Variants in AKAP8L observed in about 807,000 individuals in gnomAD.
The protein encoded by AKAP8L is A-kinase anchor protein 8-like.
In AKAP8L, 34 loss-of-function variants were observed where a neutral mutation model predicts 77.5. The observed-to-expected ratio is 0.44, with a 90% confidence interval of 0.33 to 0.58. The LOEUF (loss-of-function observed/expected upper bound fraction) is 0.58. AKAP8L is among the 20% of genes least tolerant of loss of function. The pLI is 0.02. For synonymous variants in AKAP8L, 342 were observed against 340.7 expected, an observed-to-expected ratio of 1.00 and a Z score of -0.04; for missense variants, 806 against 887.6, an observed-to-expected ratio of 0.91 and a Z score of 1.17.
intron 1 of AKAP8L, among the ~76,000 whole-genome samples, chr19:15,414,381 T>C (rs1968164306): frequency 6.6e-6 from 1 of 151,888 alleles, no homozygotes; most frequent in African/African-American, 2.4e-5. Flanking sequence ...GTTTGTAAAG[T>C]GTTCTCTTGG....
Position 15,406,362 on chromosome 19 carries a change from G to GGAGAGAGAGAGAGAGAGAGAGAGA in AKAP8L, c.89-2344_89-2321dup, listed in dbSNP as rs3040938. ...TCATGGTTGACAAAAGAAATTTTAA[G>GGAGAGAGAGAGAGAGAGAGAGAGA]GAGAGAGAGAGAGAGAGAGAGAGAG... On this transcript the variant is annotated intron_variant, in intron 2 of 13. Coordinates refer to ENST00000397410, the MANE Select transcript of AKAP8L (RefSeq NM_014371.4). 1.2e-3 allele frequency among the ~76,000 whole-genome samples: 103 copies of GGAGAGAGAGAGAGAGAGAGAGAGA among 89,332 alleles called. 3 individuals carry two copies. The highest frequency in any genetic ancestry group is 1.6e-3 in the Admixed American group (14 of 8,786). 58.6% of individuals were successfully genotyped at this position (89,332 alleles called of 152,430 possible). A position where few individuals can be genotyped will look rare whatever the true frequency, so the allele number is the denominator to read the frequency against.
At position 15,380,122 on chromosome 19, in the gene AKAP8L, T is replaced by G; in HGVS notation, c.1941A>C (p.Ter647CysextTer18). 6.7e-7 allele frequency: 1 copy of G among 1,491,232 alleles called. No homozygotes were observed. Among genetic ancestry groups the G allele is most frequent in the Non-Finnish European group, 8.8e-7 (1 of 1,129,958 alleles). The allele number at this position is 1,491,232 out of a possible 1,614,324, so 92.4% of individuals were successfully genotyped here. A position where few individuals can be genotyped will look rare whatever the true frequency, so the allele number is the denominator to read the frequency against. Reference protein sequence around the residue: ...DDEEGGGGAP* With the variant: ...DDEEGGGGAPC ...GGGCTCCGCCCGCCCCGAGCTCGGG[T>G]CACGGGGCGCCCCCGCCGCCCTCCT... Residue 647 changes from the stop codon to cysteine (C), a stop_lost, in exon 14 of 14, where the codon TGA becomes TGC. Transcript: ENST00000397410.
intron 12 of AKAP8L, among the ~76,000 whole-genome samples, chr19:15,393,721 G>A (rs1416758765): frequency 2.0e-5 from 3 of 151,948 alleles, no homozygotes; most frequent in East Asian, 3.9e-4. Context: ...GGGAGTTCGC[G>A]ATCAGACTGA....
rs147795764 is a variant in AKAP8L, at chr19:15,393,642, C to T, written c.1536+3508G>A. On this transcript the variant is annotated intron_variant, in intron 12 of 13. Transcript: ENST00000397410. ...ACTAGATCAAAAAGTCAGAAAATGC[C>T]GGGCGCGGTGGCTCATGCCTGTAAT... Among the ~76,000 whole-genome samples the T allele has an allele frequency of 2.8e-3, 424 of 152,102 alleles. 2 individuals carry two copies. The highest frequency in any genetic ancestry group is 9.6e-3 in the African/African-American group (400 of 41,486).
chr19:15,396,075 GA>G (rs1967769832), intron 12 of AKAP8L, among the ~76,000 whole-genome samples: 1 of 148,468 alleles, frequency 6.7e-6, no homozygotes, highest in Non-Finnish European at 1.5e-5. Context: ...TTTCTTCCCA[GA>G]ACTCTTGGTG....
Position 15,403,199 on chromosome 19 carries a change from T to G in AKAP8L, c.362+276A>C. On this transcript the variant is annotated intron_variant, in intron 4 of 13. Coordinates refer to ENST00000397410, the MANE Select transcript of AKAP8L (RefSeq NM_014371.4). This position sits in a 1 kb window ranked among gnomAD's most constrained non-coding sequence, Gnocchi z 4.3. Reference sequence around the variant, plus strand: ...GGGAGGGGTGGCTGAACACTCTGTTTTTGAGGGCACAGTGAAGTCTGCCCA... The same window carrying G: ...GGGAGGGGTGGCTGAACACTCTGTTGTTGAGGGCACAGTGAAGTCTGCCCA... 1 of 484,036 alleles carries G rather than the reference T, an allele frequency of 2.1e-6. No individual in the cohort carries two copies. The highest frequency in any genetic ancestry group is 3.8e-6 in the Non-Finnish European group (1 of 262,756). 30.0% of individuals were successfully genotyped at this position (484,036 alleles called of 1,614,324 possible). A position where few individuals can be genotyped will look rare whatever the true frequency, so the allele number is the denominator to read the frequency against.
chr19:15,408,897 A>G (rs1296743925), intron 2 of AKAP8L, among the ~76,000 whole-genome samples: 9 of 151,954 alleles, frequency 5.9e-5, no homozygotes, highest in African/African-American at 4.8e-5. Flanking sequence ...GAAAGAAAAA[A>G]TGGTTTTGTT....
chr19:15,385,930 T>C (rs1304875722), intron 12 of AKAP8L, among the ~76,000 whole-genome samples: 2 of 42,464 alleles, frequency 4.7e-5, no homozygotes, highest in Admixed American at 2.7e-4. Flanking sequence ...TTTTTTTTTT[T>C]TGAGGAGTCT....
chr19:15,400,183 G>A, intron 8 of AKAP8L, 112 bp downstream of exon 8: 1 of 1,105,926 alleles, frequency 9.0e-7, no homozygotes, highest in Non-Finnish European at 1.4e-6. Flanking sequence ...GGCCCACAAG[G>A]GAGGTCCCCA....
At chr19:15,412,756 A>T (rs1192375693) in intron 1 of AKAP8L, among the ~76,000 whole-genome samples, 1 of 152,132 alleles carries the variant, frequency 6.6e-6, no homozygotes, top group South Asian at 2.1e-4. Flanking sequence ...GTTAGCCAGG[A>T]TGGTCTCGAT....
intron 12 of AKAP8L, among the ~76,000 whole-genome samples, chr19:15,392,156 T>C (rs1967677014): frequency 6.6e-6 from 1 of 152,218 alleles, no homozygotes; most frequent in Admixed American, 6.5e-5. Context: ...TTATTAAAAT[T>C]ATGAAATATT....
At chr19:15,391,980 C>A (rs952634088) in intron 12 of AKAP8L, among the ~76,000 whole-genome samples, 2 of 152,050 alleles carry the variant, frequency 1.3e-5, no homozygotes, top group African/African-American at 2.4e-5. Flanking sequence ...GGACTACAGG[C>A]ACTTGCCGCC....
chr19:15,387,980 AG>A (rs914244568), intron 12 of AKAP8L, among the ~76,000 whole-genome samples: 1 of 143,946 alleles, frequency 6.9e-6, no homozygotes, highest in Admixed American at 6.9e-5. Context: ...CGGGGAGGGG[AG>A]GGGAAAAAAA....
At chr19:15,389,861 G>A (rs752211879) in intron 12 of AKAP8L, among the ~76,000 whole-genome samples, 1 of 151,204 alleles carries the variant, frequency 6.6e-6, no homozygotes, top group Non-Finnish European at 1.5e-5. Context: ...GTCAAAGACA[G>A]GGGAAAAATC....
rs1967842150 is a variant in AKAP8L at position 15,399,331 on chromosome 19, T to C, written c.1128A>G (p.Lys376=). The change falls in exon 9 of 14, where the codon AAA becomes AAG. Residue 376 remains lysine (K), a synonymous_variant. Coordinates refer to ENST00000397410, the MANE Select transcript of AKAP8L (RefSeq NM_014371.4). This position sits in a 1 kb window ranked among gnomAD's most constrained non-coding sequence, Gnocchi z 6.1. ...CCACCATGCGGTCTCGCTGCCGCTT[T>C]TTCTGCTTGTCCTGACTCTTCTTGC... The part of the protein sequence containing the change: ...QAGKKSQDKQ[K]KRQRDRMVER... 6.2e-7 allele frequency: 1 copy of C among 1,613,852 alleles called. No homozygotes were observed. The highest frequency in any genetic ancestry group is 8.5e-7 in the Non-Finnish European group (1 of 1,179,852).
At chr19:15,413,305 C>A (rs1465563162) in intron 1 of AKAP8L, among the ~76,000 whole-genome samples, 2 of 152,220 alleles carry the variant, frequency 1.3e-5, no homozygotes, top group Admixed American at 6.5e-5. Flanking sequence ...CTTTGTCCTA[C>A]TTAGTGCAGA....
rs1568269423 is a variant in AKAP8L at position 15,401,616 on chromosome 19, G to A, written c.363-13C>T. ...ATAAGAGTCATACCTGCAGAGGCAT[G>A]GGGTGAGCATCAGGTGGAGCCCCTC... On this transcript the variant is annotated splice_polypyrimidine_tract_variant and intron_variant, in intron 4 of 13. Transcript: ENST00000397410. This position sits in a 1 kb window ranked among gnomAD's most constrained non-coding sequence, Gnocchi z 6.2. The A allele has an allele frequency of 1.9e-6, 3 of 1,556,310 alleles. No homozygotes were observed. Among genetic ancestry groups the A allele is most frequent in the Non-Finnish European group, 2.6e-6 (3 of 1,150,696 alleles).
chr19:15,418,582 C>T (rs1210698238), intron 1 of AKAP8L, among the ~76,000 whole-genome samples: 1 of 152,176 alleles, frequency 6.6e-6, no homozygotes, highest in Non-Finnish European at 1.5e-5. Context: ...AAAGGGAAAC[C>T]TAAGGCGTCG....
intron 8 of AKAP8L, chr19:15,400,012 CT>C: frequency 1.9e-6 from 1 of 535,056 alleles, no homozygotes; most frequent in South Asian, 2.3e-5. Flanking sequence ...GGGGGCGTGC[CT>C]GGGGTTCCCC....
Sources: allele counts gnomAD v4.1 joint callset (sites outside exome capture counted in the v4.1 genomes callset), GRCh38; gene constraint gnomAD v4.1.1; non-coding constraint Gnocchi (gnomAD v3.1); transcripts MANE v1.5; gene names NCBI Gene and HGNC (gene_info 2026-07-23, HGNC 2026-07-21).